PRELID2: variants seen among roughly 807,000 people sequenced by gnomAD.
The protein encoded by PRELID2 is PRELI domain containing 2.
Under a neutral mutation model 28.4 loss-of-function variants are expected in PRELID2, and 25 were observed. The observed-to-expected ratio is 0.88, with a 90% CI of 0.64 to 1.23. The LOEUF (loss-of-function observed/expected upper bound fraction) is 1.23, where lower values mean the gene tolerates loss of function less well. Ranked by LOEUF, PRELID2 falls within the 50% of genes most tolerant of loss-of-function variation. The probability of loss-of-function intolerance (pLI) is 0.00; values close to 1 mark genes in which losing one functional copy is unlikely to be tolerated. For missense variants in PRELID2, 201 were observed against 214.4 expected (o/e 0.94, Z 0.39); for synonymous variants, 76 against 71.6 (o/e 1.06, Z -0.31).
At chr5:145,414,348 G>T in the PRELID2 span, among the ~76,000 whole-genome samples, 58 of 152,282 alleles carry the variant, frequency 3.8e-4, no homozygotes, top group African/African-American at 1.3e-3. Flanking sequence ...AGCCAAAGGT[G>T]ATGCCCTTCC....
intron 2 of PRELID2, among the ~76,000 whole-genome samples, chr5:145,821,221 G>A (rs1754790479): frequency 7.4e-6 from 1 of 135,966 alleles, no homozygotes; most frequent in African/African-American, 2.9e-5. Context: ...GTCCTCTTCT[G>A]TGTGTGTGTA....
intron 1 of PRELID2, among the ~76,000 whole-genome samples, chr5:145,700,412 T>C (rs561637464): frequency 2.0e-5 from 3 of 152,112 alleles, no homozygotes; most frequent in East Asian, 1.9e-4. Context: ...ACATGGAAGA[T>C]TGATATGCTG....
chr5:145,516,645 T>A (rs1752519413), intron 1 of PRELID2, among the ~76,000 whole-genome samples: 1 of 152,148 alleles, frequency 6.6e-6, no homozygotes, highest in African/African-American at 2.4e-5. Context: ...TACTTTAAAT[T>A]TCATATGGAA....
At chr5:145,589,997 A>G (rs182305320) in intron 1 of PRELID2, among the ~76,000 whole-genome samples, 4 of 152,338 alleles carry the variant, frequency 2.6e-5, no homozygotes, top group African/African-American at 9.6e-5. Flanking sequence ...ATATTCTTAT[A>G]TGTACTACAT....
At chr5:145,688,419 G>A (rs138935114) in intron 1 of PRELID2, among the ~76,000 whole-genome samples, 1 of 152,168 alleles carries the variant, frequency 6.6e-6, no homozygotes, top group African/African-American at 2.4e-5. Flanking sequence ...TTCTAAGGAA[G>A]TCCTCGTCAA....
chr5:145,495,573 G>A (rs1752303329), intron 1 of PRELID2, among the ~76,000 whole-genome samples: 1 of 152,052 alleles, frequency 6.6e-6, no homozygotes, highest in Non-Finnish European at 1.5e-5. Context: ...ATTTAAAAAT[G>A]TTTCATATTA....
chr5:145,310,477 C>A, the PRELID2 span, among the ~76,000 whole-genome samples: 3 of 152,148 alleles, frequency 2.0e-5, no homozygotes. Flanking sequence ...ACTTTTTAAA[C>A]CTACTTGAAA....
At chr5:145,242,295 T>G in the PRELID2 span, among the ~76,000 whole-genome samples, 8 of 151,978 alleles carry the variant, frequency 5.3e-5, no homozygotes, top group South Asian at 1.4e-3. Context: ...AGCTGGAATA[T>G]TTTTCAGAGT....
intron 1 of PRELID2, among the ~76,000 whole-genome samples, chr5:145,833,460 C>T (rs1018162871): frequency 1.3e-5 from 2 of 152,290 alleles, no homozygotes; most frequent in African/African-American, 4.8e-5. Context: ...ACTTTTTGGG[C>T]CCAGAAGCCT....
rs1752976982 is a variant in PRELID2 at position 145,567,471 on chromosome 5, AG to A, written n.71-94157del. Among the ~76,000 whole-genome samples, 4 of 152,210 alleles carry A rather than the reference AG, an allele frequency of 2.6e-5. No homozygotes were observed. The South Asian group carries it at 8.3e-4, about 32-fold the overall frequency. On this transcript the variant is annotated intron_variant and non_coding_transcript_variant, in intron 1 of 2. Transcript: ENST00000510259. ...CAGCTCACTACAAGCTCTGCCTCCT[AG>A]GTTCAAGTGATTCTCCTGCCTCAGC...
chr5:145,557,670 T>C (rs370281591), intron 1 of PRELID2, among the ~76,000 whole-genome samples: 2 of 152,296 alleles, frequency 1.3e-5, no homozygotes, highest in African/African-American at 4.8e-5. Context: ...ATGTGCCAGG[T>C]AACTGTCTAA....
chr5:145,567,531 C>T (rs1026430398), intron 1 of PRELID2, among the ~76,000 whole-genome samples: 1 of 152,128 alleles, frequency 6.6e-6, no homozygotes, highest in Non-Finnish European at 1.5e-5. Flanking sequence ...GCATGCACCA[C>T]CACATCTGGC....
chr5:145,369,645 G>A, the PRELID2 span, among the ~76,000 whole-genome samples: 1 of 152,028 alleles, frequency 6.6e-6, no homozygotes, highest in African/African-American at 2.4e-5. Context: ...CCAGTAATGA[G>A]ATTGCTGGGT....
In PRELID2 at chr5:145,575,958, TC is replaced by T. The variant is rs199820667; in HGVS notation, n.71-102644del. Among the ~76,000 whole-genome samples the T allele has an allele frequency of 5.0e-4, 76 of 152,244 alleles. No homozygotes were observed. In the East Asian group the frequency reaches 0.013, roughly 25 times the overall value. Reference sequence around the variant, plus strand: ...ATGTTGGGAACACTCTTCTCCATCCTCCCAACCACGTTTTACCTAAATTATT... The same window carrying T: ...ATGTTGGGAACACTCTTCTCCATCCTCCAACCACGTTTTACCTAAATTATT... On this transcript the variant is annotated intron_variant and non_coding_transcript_variant, in intron 1 of 2. Transcript: ENST00000510259.
chr5:145,730,402 T>C (rs1214214677), intron 1 of PRELID2, among the ~76,000 whole-genome samples: 1 of 152,192 alleles, frequency 6.6e-6, no homozygotes, highest in Non-Finnish European at 1.5e-5. Context: ...CACTAATAAC[T>C]AGCACACTCT....
intron 1 of PRELID2, among the ~76,000 whole-genome samples, chr5:145,670,039 G>A (rs115855627): frequency 6.6e-6 from 1 of 152,064 alleles, no homozygotes; most frequent in South Asian, 2.1e-4. Context: ...GTGCTCATTA[G>A]TCTATAAGCC....
chr5:145,239,849 T>A, the PRELID2 span, among the ~76,000 whole-genome samples: 1 of 151,930 alleles, frequency 6.6e-6, no homozygotes, highest in African/African-American at 2.4e-5. Flanking sequence ...CCTGGCAAAA[T>A]GAGAATGGTT....
the PRELID2 span, among the ~76,000 whole-genome samples, chr5:145,462,368 T>C: frequency 2.0e-5 from 3 of 152,196 alleles, no homozygotes; most frequent in African/African-American, 7.2e-5. Flanking sequence ...TGAAGGATAT[T>C]ACCATGTCAA....
rs143670651 is a variant in PRELID2, at chr5:145,474,793, C to T, written n.71-1478G>A. 6.0e-3 allele frequency among the ~76,000 whole-genome samples: 918 copies of T among 152,134 alleles called. 13 individuals carry two copies. Among genetic ancestry groups the T allele is most frequent in the African/African-American group, 0.021 (867 of 41,510 alleles). ...TGTAGTAGTAACTTAGTAAAAAGTACAATCATCTTGTACTCTATCTGTGGC... is the reference window on the plus strand; with the variant it reads ...TGTAGTAGTAACTTAGTAAAAAGTATAATCATCTTGTACTCTATCTGTGGC... On this transcript the variant is annotated intron_variant and non_coding_transcript_variant, in intron 1 of 2. Coordinates refer to the PRELID2 transcript ENST00000510259.
Sources: gnomAD v4.1 joint callset for allele counts (sites outside exome capture counted in the v4.1 genomes callset) on GRCh38, gnomAD v4.1.1 for gene constraint, MANE v1.5 for transcripts, NCBI Gene and HGNC (gene_info 2026-07-23, HGNC 2026-07-21) for gene names.